Variants in SLC8A1 observed in about 807,000 individuals in gnomAD.
The protein encoded by SLC8A1 is solute carrier family 8 member A1.
A neutral mutation model predicts 68.3 loss-of-function variants in SLC8A1; 18 were observed. The ratio of observed to expected loss-of-function variants is 0.26; its 90% CI spans 0.18 to 0.39. SLC8A1 has a LOEUF of 0.39. Among genes scored for constraint, SLC8A1 ranks in the 10% least tolerant of loss-of-function variants. The probability of loss-of-function intolerance (pLI) is 1.00; values close to 1 mark genes in which losing one functional copy is unlikely to be tolerated. For missense variants in SLC8A1, 985 were observed against 1,156.7 expected, an observed-to-expected ratio of 0.85 and a Z score of 2.15; for synonymous variants, 475 against 415.5, an observed-to-expected ratio of 1.14 and a Z score of -1.74.
intron 2 of SLC8A1, among the ~76,000 whole-genome samples, chr2:40,227,625 T>C (rs1438264224): frequency 6.6e-6 from 1 of 152,028 alleles, no homozygotes. Flanking sequence ...ACCTAGGTGA[T>C]GAAATAATCT....
chr2:40,359,099 T>C (rs1673708622), intron 2 of SLC8A1, among the ~76,000 whole-genome samples: 1 of 151,952 alleles, frequency 6.6e-6, no homozygotes, highest in Admixed American at 6.6e-5. Context: ...AAAGTGAAGC[T>C]GAAGGTGGGG....
chr2:40,282,354 G>A (rs2067650382), intron 2 of SLC8A1, among the ~76,000 whole-genome samples: 1 of 152,078 alleles, frequency 6.6e-6, no homozygotes, highest in Non-Finnish European at 1.5e-5. Flanking sequence ...GTTACTAAAC[G>A]AAGGATCTTT....
intron 2 of SLC8A1, among the ~76,000 whole-genome samples, chr2:40,355,014 A>C (rs1445191056): frequency 1.3e-5 from 2 of 152,208 alleles, no homozygotes; most frequent in East Asian, 3.9e-4. Flanking sequence ...GTTAATAAGC[A>C]CTTTAAAAAT....
At chr2:40,377,896 A>G (rs1273445340) in intron 2 of SLC8A1, among the ~76,000 whole-genome samples, 1 of 152,154 alleles carries the variant, frequency 6.6e-6, no homozygotes, top group Non-Finnish European at 1.5e-5. Flanking sequence ...TCATCAATTC[A>G]AAATGTTTTT....
chr2:40,232,495 T>G (rs1660007122), intron 2 of SLC8A1, among the ~76,000 whole-genome samples: 2 of 151,834 alleles, frequency 1.3e-5, no homozygotes, highest in South Asian at 4.2e-4. Flanking sequence ...GATTGGGGAT[T>G]AGGGGAGGAT....
At chr2:40,224,952 T>C (rs548666471) in intron 2 of SLC8A1, among the ~76,000 whole-genome samples, 1 of 152,306 alleles carries the variant, frequency 6.6e-6, no homozygotes, top group Admixed American at 6.5e-5. Flanking sequence ...TACTGACTCA[T>C]CTTCTGCAGA....
Position 40,164,848 on chromosome 2 carries a change from G to T in SLC8A1, c.2061+6C>A. On this transcript the variant is annotated splice_donor_region_variant and intron_variant, in intron 5 of 7. Coordinates refer to ENST00000406785, the Ensembl canonical transcript of SLC8A1. ...GGCTCCTGGTGGGCAGTGTTGGTGA[G>T]CATACCTTGAATTCATAGGATTCTT... is the stretch of plus-strand genomic sequence containing the variant. 6.2e-7 allele frequency: 1 copy of T among 1,613,568 alleles called. No individual in the cohort carries two copies. Among genetic ancestry groups the T allele is most frequent in the Non-Finnish European group, 8.5e-7 (1 of 1,179,746 alleles).
intron 6 of SLC8A1, 145 bp from the exon 10 acceptor site, chr2:40,139,821 G>T: frequency 1.3e-6 from 1 of 798,004 alleles, no homozygotes; most frequent in South Asian, 1.7e-5. Flanking sequence ...GGTTTTCCAA[G>T]AGTTAATCAT....
At chr2:40,200,437 T>A (rs2054143750) in intron 2 of SLC8A1, among the ~76,000 whole-genome samples, 1 of 148,914 alleles carries the variant, frequency 6.7e-6, no homozygotes, top group African/African-American at 2.5e-5. Context: ...CTTAAGAGTT[T>A]TATGTGTGCT....
chr2:40,146,969 C>A (rs968825977), intron 6 of SLC8A1, among the ~76,000 whole-genome samples: 3 of 152,114 alleles, frequency 2.0e-5, no homozygotes, highest in Non-Finnish European at 2.9e-5. Context: ...AACTTTCAAA[C>A]CTGGCTGAAA....
intron 1 of SLC8A1, among the ~76,000 whole-genome samples, chr2:40,483,218 A>AT (rs35134523): frequency 0.62 from 93,799 of 150,230 alleles, 29,775 homozygotes; most frequent in Non-Finnish European, 0.68. Context: ...GTATTTATGT[A>AT]TTTTATATTT....
intron 1 of SLC8A1, among the ~76,000 whole-genome samples, chr2:40,490,593 A>G (rs1705250133): frequency 6.6e-6 from 1 of 152,170 alleles, no homozygotes; most frequent in Non-Finnish European, 1.5e-5. Flanking sequence ...TGCTGAAGAC[A>G]CAAAGTTGAC....
chr2:40,366,226 C>T (rs1241268948), intron 2 of SLC8A1, among the ~76,000 whole-genome samples: 4 of 151,978 alleles, frequency 2.6e-5, no homozygotes, highest in African/African-American at 7.2e-5. Context: ...ATAGTATGCA[C>T]TCAACAATGT....
intron 2 of SLC8A1, chr2:40,254,786 T>C (rs376972267): frequency 2.6e-5 from 4 of 152,222 alleles, no homozygotes; most frequent in African/African-American, 9.6e-5. Context: ...TTTCACAAGA[T>C]TGACAGGCTC....
At chr2:40,170,072 C>T (rs1197674364) in intron 4 of SLC8A1, among the ~76,000 whole-genome samples, 1 of 152,186 alleles carries the variant, frequency 6.6e-6, no homozygotes, top group Non-Finnish European at 1.5e-5. Flanking sequence ...TCTCTGCAGG[C>T]TGGGCTGGTC....
rs527449196 is a variant in SLC8A1, at chr2:40,257,818, T to C, written c.1809-79963A>G. Among the ~76,000 whole-genome samples, 161 of 152,330 alleles carry C rather than the reference T, an allele frequency of 1.1e-3. 1 individual carries two copies. The highest frequency in any genetic ancestry group is 3.7e-3 in the African/African-American group (153 of 41,574). ...GAAATTCTCCAGTAACTTTTTCTGCTCTGTCTTCCTATCTGGTTGGATGGC... is the reference window on the plus strand; with the variant it reads ...GAAATTCTCCAGTAACTTTTTCTGCCCTGTCTTCCTATCTGGTTGGATGGC... On this transcript the variant is annotated intron_variant, in intron 2 of 7. Transcript: ENST00000406785.
At chr2:40,446,197 T>C (rs1343804659) in intron 1 of SLC8A1, among the ~76,000 whole-genome samples, 2 of 152,164 alleles carry the variant, frequency 1.3e-5, no homozygotes, top group South Asian at 2.1e-4. Context: ...AGTTAGCAAG[T>C]GGTCTGTCTC....
Position 40,474,501 on chromosome 2 carries a change from T to G in SLC8A1, c.-25+37848A>C, listed in dbSNP as rs1205693998. On this transcript the variant is annotated intron_variant, in intron 1 of 7. Transcript: ENST00000402441. ...TAAGGTTTTAATGTCAGCTTCCCCTTTTAATGTCAGCTTCCCCGTTTTCTT... is the reference window on the plus strand; with the variant it reads ...TAAGGTTTTAATGTCAGCTTCCCCTGTTAATGTCAGCTTCCCCGTTTTCTT... 3.3e-5 allele frequency among the ~76,000 whole-genome samples: 5 copies of G among 152,184 alleles called. 1 individual carries two copies.
At chr2:40,334,514 TTC>T in intron 2 of SLC8A1, among the ~76,000 whole-genome samples, 1 of 152,328 alleles carries the variant, frequency 6.6e-6, no homozygotes, top group East Asian at 1.9e-4. Context: ...TGCATTAAAA[TTC>T]TTAAAAGCTT....
Sources: allele counts gnomAD v4.1 joint callset (sites outside exome capture counted in the v4.1 genomes callset), GRCh38; gene constraint gnomAD v4.1.1; transcripts MANE v1.5; gene names NCBI Gene and HGNC (gene_info 2026-07-23, HGNC 2026-07-21).